Variants in F8 observed in about 807,000 individuals in gnomAD.
The protein encoded by F8 is coagulation factor VIII, also known as antihemophilic factor.
F8 carries 12 observed loss-of-function variants against 140.6 expected under a neutral mutation model. The ratio of observed to expected loss-of-function variants is 0.09; its 90% CI spans 0.05 to 0.14. The LOEUF (loss-of-function observed/expected upper bound fraction) is 0.14, where lower values mean the gene tolerates loss of function less well. Ranked by LOEUF, F8 falls within the 10% of genes least tolerant of loss-of-function variation. The pLI, the probability that F8 is intolerant of heterozygous loss-of-function variation, is 1.00. For synonymous variants in F8, 585 were observed against 614.6 expected (o/e 0.95, Z 0.71); for missense variants, 1,354 against 1,720.7 (o/e 0.79, Z 3.77).
intron 22 of F8, among the ~76,000 whole-genome samples, chrX:154,888,867 A>G (rs2072920654): frequency 8.9e-6 from 1 of 112,702 alleles, no homozygotes; most frequent in African/African-American, 3.3e-5. Context: ...CAAATGGAGC[A>G]TGCCCCCCAA....
At position 154,906,510 on chromosome X, in the gene F8, G is replaced by C. The variant is rs782510792; in HGVS notation, c.5283C>G (p.Ser1761=). ...KVVFQEFTDG[S]FTQPLYRGEL... ...CTCCACGGTATAAGGGCTGAGTAAAGGAGCCATCAGTAAATTCCTGGAAAA... is the reference window on the plus strand; with the variant it reads ...CTCCACGGTATAAGGGCTGAGTAAACGAGCCATCAGTAAATTCCTGGAAAA... Residue 1761 remains serine (S), a synonymous_variant, in exon 15 of 26, where the codon TCC becomes TCG. Coordinates refer to ENST00000360256, the MANE Select transcript of F8 (RefSeq NM_000132.4). 1 of 1,207,929 alleles carries C rather than the reference G, an allele frequency of 8.3e-7. No individual in the cohort carries two copies. Among genetic ancestry groups the C allele is most frequent in the African/African-American group, 1.8e-5 (1 of 56,920 alleles).
At chrX:154,968,359 A>G (rs2073436239) in intron 7 of F8, among the ~76,000 whole-genome samples, 1 of 111,076 alleles carries the variant, frequency 9.0e-6, no homozygotes, top group Non-Finnish European at 1.9e-5. Flanking sequence ...AGGCAACTTG[A>G]TATTGGACCT....
At chrX:154,961,015 G>A (rs1346371353) in intron 10 of F8, 60 bp downstream of exon 10, 1 of 766,830 alleles carries the variant, frequency 1.3e-6, no homozygotes, top group African/African-American at 2.1e-5. Context: ...TGTTATTGAT[G>A]ATATTTATCT....
intron 7 of F8, among the ~76,000 whole-genome samples, chrX:154,968,249 T>C (rs1411590885): frequency 9.0e-6 from 1 of 111,444 alleles, no homozygotes; most frequent in African/African-American, 3.3e-5. Flanking sequence ...GGGAGTGGAT[T>C]TGTTATCACA....
intron 6 of F8, among the ~76,000 whole-genome samples, chrX:154,979,565 G>C (rs782368755): frequency 1.8e-5 from 2 of 111,912 alleles, no homozygotes; most frequent in Non-Finnish European, 3.8e-5. Context: ...GGTGAAGGTG[G>C]GGTTGCTTTC....
chrX:155,008,939 T>C (rs1400967406), intron 1 of F8, among the ~76,000 whole-genome samples: 1 of 111,401 alleles, frequency 9.0e-6, no homozygotes, highest in African/African-American at 3.3e-5. Flanking sequence ...AAGGCTGTCC[T>C]GGAGCCTACC....
chrX:155,019,128 A>G (rs1470241662), intron 1 of F8, among the ~76,000 whole-genome samples: 2 of 112,155 alleles, frequency 1.8e-5, no homozygotes, highest in Non-Finnish European at 3.8e-5. Context: ...CATATCAAAG[A>G]AGACAATTCA....
intron 1 of F8, among the ~76,000 whole-genome samples, chrX:155,014,435 T>C (rs782141279): frequency 9.0e-6 from 1 of 110,796 alleles, no homozygotes; most frequent in African/African-American, 3.3e-5. Context: ...GCCAGTACAG[T>C]AAGGCATGAA....
chrX:154,948,880 A>T (rs782483172), intron 12 of F8, among the ~76,000 whole-genome samples: 2 of 112,361 alleles, frequency 1.8e-5, no homozygotes, highest in Non-Finnish European at 3.8e-5. Context: ...TAAAGCTATT[A>T]TAATTAAAAA....
In F8 at chrX:154,936,223, C is replaced by T. The variant is rs900734430; in HGVS notation, c.2114-4547G>A. On this transcript the variant is annotated intron_variant, in intron 13 of 25. Coordinates refer to ENST00000360256, the MANE Select transcript of F8 (RefSeq NM_000132.4). ...AAAACAAAAACAACAACCACAAACC[C>T]AGAATTCTATACACAGTGAAGATAT... Among the ~76,000 whole-genome samples, 10 of 111,334 alleles carry T rather than the reference C, an allele frequency of 9.0e-5. No individual in the cohort carries two copies. In the Admixed American group the frequency reaches 9.6e-4, roughly 11 times the overall value.
Position 154,853,149 on chromosome X carries a change from C to T in F8, c.6900+7283G>A, listed in dbSNP as rs782415803. Among the ~76,000 whole-genome samples, 46 of 110,881 alleles carry T rather than the reference C, an allele frequency of 4.1e-4. 1 individual carries two copies. The highest frequency in any genetic ancestry group is 7.9e-4 in the Non-Finnish European group (42 of 52,920). On this transcript the variant is annotated intron_variant, in intron 25 of 25. Coordinates refer to ENST00000360256, the MANE Select transcript of F8 (RefSeq NM_000132.4). Reference sequence around the variant, plus strand: ...TTGTTTTTAGTGGACAAGACTTGCACCTCCTTCGTTAAATTTATTCCTAAA... The same window carrying T: ...TTGTTTTTAGTGGACAAGACTTGCATCTCCTTCGTTAAATTTATTCCTAAA...
rs781819747 is a variant in F8 at position 154,906,544 on chromosome X, T to C, written c.5249A>G (p.Lys1750Arg). 1 of 1,210,724 alleles carries C rather than the reference T, an allele frequency of 8.3e-7. No individual in the cohort carries two copies. The highest frequency in any genetic ancestry group is 1.1e-6 in the Non-Finnish European group (1 of 894,918). ...AGTAAATTCCTGGAAAACAACTTTCTTGAACTGAGGGACACTGCCACTCTG... is the reference window on the plus strand; with the variant it reads ...AGTAAATTCCTGGAAAACAACTTTCCTGAACTGAGGGACACTGCCACTCTG... ...RAQSGSVPQF[K>R]KVVFQEFTDG... The change falls in exon 15 of 26, where the codon AAG becomes AGG. Residue 1750 changes from lysine (K) to arginine (R), a missense_variant. Physicochemically the swap from Lys to Arg is conservative, Grantham distance 26. Transcript: ENST00000360256.
intron 6 of F8, among the ~76,000 whole-genome samples, chrX:154,981,284 C>T (rs1174719711): frequency 1.1e-4 from 12 of 110,898 alleles, no homozygotes; most frequent in African/African-American, 3.9e-4. Flanking sequence ...GTTTTCTTAA[C>T]TCTTCTGAAG....
chrX:155,022,414 C>T lies in F8; in HGVS notation c.139G>A (p.Ala47Thr), dbSNP rs368563092. The T allele has an allele frequency of 9.1e-6, 11 of 1,206,702 alleles. No homozygotes were observed. The highest frequency in any genetic ancestry group is 3.0e-5 in the East Asian group (1 of 33,729). The change falls in exon 1 of 26, where the codon GCA becomes ACA. Residue 47 changes from alanine to threonine, a missense_variant. Coordinates refer to ENST00000360256, the MANE Select transcript of F8 (RefSeq NM_000132.4). ...CCCTACAGGACATGCCTTTACCTTG[C>T]GTCCACAGGCAGCTCACCGAGATCA... ...QSDLGELPVDARFPPRVPKSF... is the reference protein window; with the variant it reads ...QSDLGELPVDTRFPPRVPKSF...
chrX:155,013,133 G>C (rs1287220404), intron 1 of F8, among the ~76,000 whole-genome samples: 6 of 81,002 alleles, frequency 7.4e-5, no homozygotes, highest in Admixed American at 1.6e-4. Flanking sequence ...GTGACAGAGC[G>C]AGACTCCGTC....
At position 154,837,711 on chromosome X, in the gene F8, G is replaced by C. The variant is rs782621263; in HGVS notation, c.6942C>G (p.Asn2314Lys). 8.3e-7 allele frequency: 1 copy of C among 1,211,409 alleles called. No individual in the cohort carries two copies. Among genetic ancestry groups the C allele is most frequent in the Admixed American group, 2.2e-5 (1 of 46,106 alleles). Residue 2314 changes from asparagine (N) to lysine (K), a missense_variant, in exon 26 of 26, where the codon AAC becomes AAG. Coordinates refer to ENST00000360256, the MANE Select transcript of F8 (RefSeq NM_000132.4). The part of the protein sequence containing the change: ...GNQDSFTPVV[N>K]SLDPPLLTRY... ...GAGTCAGTAACGGTGGGTCTAGAGA[G>C]TTCACCACAGGTGTGAAGGAGTCTT...
chrX:154,848,789 C>T (rs1050871177), intron 25 of F8, among the ~76,000 whole-genome samples: 4 of 111,031 alleles, frequency 3.6e-5, no homozygotes, highest in Non-Finnish European at 7.6e-5. Flanking sequence ...GCTGCACCCA[C>T]TGTCCTGCAC....
intron 13 of F8, among the ~76,000 whole-genome samples, chrX:154,932,607 G>T (rs1365252893): frequency 9.0e-6 from 1 of 111,690 alleles, no homozygotes; most frequent in South Asian, 3.7e-4. Flanking sequence ...CAATCAAGTG[G>T]CAAAGGAGAA....
intron 13 of F8, among the ~76,000 whole-genome samples, chrX:154,936,335 A>T (rs1412068828): frequency 1.8e-5 from 2 of 112,075 alleles, no homozygotes; most frequent in Non-Finnish European, 3.8e-5. Flanking sequence ...AGAAAATGTT[A>T]AAAAAGACAC....
Sources: allele counts gnomAD v4.1 joint callset (sites outside exome capture counted in the v4.1 genomes callset), GRCh38; gene constraint gnomAD v4.1.1; transcripts MANE v1.5; gene names NCBI Gene and HGNC (gene_info 2026-07-23, HGNC 2026-07-21).